The following SLCO1A2 variants were observed in gnomAD, a reference collection of about 807,000 sequenced individuals.
SLCO1A2 encodes the protein OATP-1.
SLCO1A2 carries 67 observed loss-of-function variants against 69.0 expected under a neutral mutation model. The observed-to-expected ratio is 0.97, with a 90% CI of 0.80 to 1.19. The LOEUF (loss-of-function observed/expected upper bound fraction) is 1.19. Among genes scored for constraint, SLCO1A2 ranks in the 50% most tolerant of loss-of-function variants. The pLI, the probability that SLCO1A2 is intolerant of heterozygous loss-of-function variation, is 0.00. For synonymous variants in SLCO1A2, 260 were observed against 265.9 expected, an observed-to-expected ratio of 0.98 and a Z score of 0.22; for missense variants, 787 against 793.7, an observed-to-expected ratio of 0.99 and a Z score of 0.10.
intron 3 of SLCO1A2, among the ~76,000 whole-genome samples, chr12:21,315,479 A>AAATAATATCTAC (rs1401559502): frequency 6.6e-6 from 1 of 152,222 alleles, no homozygotes; most frequent in Non-Finnish European, 1.5e-5. Context: ...TTAATTCAGT[A>AAATAATATCTAC]AATAATATCT....
At chr12:21,392,466 G>C (rs1224910227) in intron 1 of SLCO1A2, among the ~76,000 whole-genome samples, 1 of 152,178 alleles carries the variant, frequency 6.6e-6, no homozygotes, top group African/African-American at 2.4e-5. Context: ...CCAAACTGCA[G>C]AGGACAAATA....
intron 2 of SLCO1A2, among the ~76,000 whole-genome samples, chr12:21,353,403 G>C (rs1938113035): frequency 6.6e-6 from 1 of 151,610 alleles, no homozygotes; most frequent in African/African-American, 2.4e-5. Flanking sequence ...GGGAAAAAAT[G>C]CTTAATCCTA....
At chr12:21,318,345 T>C (rs927681598) in intron 3 of SLCO1A2, among the ~76,000 whole-genome samples, 21 of 152,136 alleles carry the variant, frequency 1.4e-4, no homozygotes, top group African/African-American at 5.1e-4. Context: ...GGTCTCGATC[T>C]CCTGACCTCG....
At chr12:21,402,515 A>C (rs1392429956) in intron 1 of SLCO1A2, among the ~76,000 whole-genome samples, 1 of 152,142 alleles carries the variant, frequency 6.6e-6, no homozygotes, top group East Asian at 1.9e-4. Flanking sequence ...TGAAAGATTT[A>C]TCACATACAA....
chr12:21,371,043 A>G (rs1465530228), intron 2 of SLCO1A2, among the ~76,000 whole-genome samples: 1 of 152,228 alleles, frequency 6.6e-6, no homozygotes, highest in Non-Finnish European at 1.5e-5. Flanking sequence ...TGCAGAGAGT[A>G]GCAGCTTACG....
chr12:21,299,784 A>G (rs1565482213), intron 8 of SLCO1A2, among the ~76,000 whole-genome samples: 4 of 116,180 alleles, frequency 3.4e-5, no homozygotes, highest in Non-Finnish European at 6.6e-5. Context: ...ATATATATAT[A>G]TATATACACA....
intron 2 of SLCO1A2, among the ~76,000 whole-genome samples, chr12:21,328,626 A>G (rs1167550534): frequency 6.6e-6 from 1 of 152,060 alleles, no homozygotes; most frequent in African/African-American, 2.4e-5. Context: ...CTACAATACC[A>G]TGAGGTCTCT....
chr12:21,398,650 A>G (rs2137182025), upstream of SLCO1A2, among the ~76,000 whole-genome samples: 1 of 152,076 alleles, frequency 6.6e-6, no homozygotes, highest in East Asian at 1.9e-4. Flanking sequence ...AAACGAATCC[A>G]GCAGCACATC....
rs537196800 is a variant in SLCO1A2, at chr12:21,384,990, C to T, written c.-190+9916G>A. ...CCTTGTTAGCCAGGATGGTCTCGAT[C>T]TCCTGACCTCGTCATCCGTCCGTCT... On this transcript the variant is annotated intron_variant, in intron 1 of 15. Coordinates refer to the SLCO1A2 transcript ENST00000307378. Among the ~76,000 whole-genome samples the T allele has an allele frequency of 2.7e-4, 41 of 152,184 alleles. No individual in the cohort carries two copies. The South Asian group carries it at 8.5e-3, about 32-fold the overall frequency.
chr12:21,409,808 CTATATCACTCTAA>C (rs1421300241), intron 1 of SLCO1A2, among the ~76,000 whole-genome samples: 1 of 152,188 alleles, frequency 6.6e-6, no homozygotes, highest in Non-Finnish European at 1.5e-5. Flanking sequence ...GCACATCCTG[CTATATCACTCTAA>C]ACATCAAACA....
At chr12:21,310,415 A>G (rs1193704964) in intron 4 of SLCO1A2, among the ~76,000 whole-genome samples, 2 of 152,254 alleles carry the variant, frequency 1.3e-5, no homozygotes, top group Non-Finnish European at 2.9e-5. Flanking sequence ...GCCTTCAGCG[A>G]GTCATCATCT....
chr12:21,362,921 C>T (rs558177910), intron 2 of SLCO1A2, among the ~76,000 whole-genome samples: 1 of 152,282 alleles, frequency 6.6e-6, no homozygotes, highest in African/African-American at 2.4e-5. Context: ...TACAAAGAGA[C>T]TTAGACTCCC....
At chr12:21,378,201 A>G (rs757967886) in intron 1 of SLCO1A2, 28 of 1,594,656 alleles carry the variant, frequency 1.8e-5, no homozygotes, top group Non-Finnish European at 2.1e-5. Flanking sequence ...TAAAATTCTA[A>G]GGCTCTAACT....
chr12:21,387,387 T>C (rs1940932987), intron 1 of SLCO1A2, among the ~76,000 whole-genome samples: 1 of 152,150 alleles, frequency 6.6e-6, no homozygotes, highest in South Asian at 2.1e-4. Context: ...GGAAAAATGA[T>C]TTCCTGGGCC....
chr12:21,391,756 A>G (rs1394501719), intron 1 of SLCO1A2, among the ~76,000 whole-genome samples: 3 of 151,962 alleles, frequency 2.0e-5, no homozygotes, highest in Non-Finnish European at 1.5e-5. Context: ...AAAAAAAGCA[A>G]AACACCCTCT....
At chr12:21,371,750 C>T (rs865902431) in intron 2 of SLCO1A2, among the ~76,000 whole-genome samples, 3 of 152,096 alleles carry the variant, frequency 2.0e-5, no homozygotes, top group South Asian at 4.2e-4. Flanking sequence ...CGCCTGTAAT[C>T]CCAGCACTTT....
chr12:21,305,831 A>G (rs1949306169), intron 5 of SLCO1A2, among the ~76,000 whole-genome samples: 1 of 152,272 alleles, frequency 6.6e-6, no homozygotes, highest in Admixed American at 6.5e-5. Flanking sequence ...GATGGTCATG[A>G]AATTCCCACC....
intron 14 of SLCO1A2, 77 bp from the exon 15 acceptor site, chr12:21,269,844 T>G (rs187027469): frequency 8.8e-7 from 1 of 1,134,926 alleles, no homozygotes; most frequent in Non-Finnish European, 1.2e-6. Context: ...TATCTTTGTA[T>G]TTTATTCTGA....
intron 6 of SLCO1A2, among the ~76,000 whole-genome samples, chr12:21,301,530 G>GT (rs34909017): frequency 0.068 from 10,338 of 152,190 alleles, 1,127 homozygotes; most frequent in African/African-American, 0.23. Context: ...GAGATTTGCT[G>GT]TAACAGCACA....
Sources: allele counts gnomAD v4.1 joint callset (sites outside exome capture counted in the v4.1 genomes callset), GRCh38; gene constraint gnomAD v4.1.1; transcripts MANE v1.5; gene names NCBI Gene and HGNC (gene_info 2026-07-23, HGNC 2026-07-21).